Variants in WIPI2 observed in about 807,000 individuals in gnomAD.
The protein encoded by WIPI2 is WD repeat domain phosphoinositide-interacting protein 2.
Under a neutral mutation model 52.3 loss-of-function variants are expected in WIPI2, and 28 were observed. That is an observed-to-expected ratio of 0.54 (90% CI 0.40 to 0.73). The LOEUF (loss-of-function observed/expected upper bound fraction) is 0.73. WIPI2 is among the 30% of genes least tolerant of loss of function. The probability of loss-of-function intolerance (pLI) is 0.00; values close to 1 mark genes in which losing one functional copy is unlikely to be tolerated. For synonymous variants in WIPI2, 268 were observed against 245.0 expected, an observed-to-expected ratio of 1.09 and a Z score of -0.88; for missense variants, 506 against 602.9, an observed-to-expected ratio of 0.84 and a Z score of 1.68.
chr7:5,195,514 C>T (rs1781705097), intron 2 of WIPI2, among the ~76,000 whole-genome samples: 1 of 152,118 alleles, frequency 6.6e-6, no homozygotes, highest in Non-Finnish European at 1.5e-5. Flanking sequence ...AAATAAATCC[C>T]ACTCTGTTGA....
intron 3 of WIPI2, among the ~76,000 whole-genome samples, chr7:5,209,932 G>A (rs574369162): frequency 6.6e-6 from 1 of 151,826 alleles, no homozygotes; most frequent in Non-Finnish European, 1.5e-5. Flanking sequence ...TTTTTTGGTG[G>A]AGTCTCGTTG....
intron 3 of WIPI2, among the ~76,000 whole-genome samples, chr7:5,210,164 C>G (rs969293182): frequency 2.6e-5 from 4 of 152,228 alleles, no homozygotes; most frequent in African/African-American, 9.6e-5. Flanking sequence ...CTGCCTCAGC[C>G]TCCCAAAGTG....
At chr7:5,215,991 C>G (rs532791421) in intron 4 of WIPI2, among the ~76,000 whole-genome samples, 93 of 152,326 alleles carry the variant, frequency 6.1e-4, no homozygotes, top group East Asian at 2.1e-3. Context: ...CTATTCACAG[C>G]ACACTTGTCT....
At position 5,232,438 on chromosome 7, in the gene WIPI2, G is replaced by T. The variant is rs572023575; in HGVS notation, c.*1491G>T. 2 of 397,764 alleles carry T rather than the reference G, an allele frequency of 5.0e-6. No individual in the cohort carries two copies. Among genetic ancestry groups the T allele is most frequent in the East Asian group, 7.1e-5 (2 of 28,076 alleles). The allele number at this position is 397,764 out of a possible 1,614,324, so 24.6% of individuals were successfully genotyped here. A position where few individuals can be genotyped will look rare whatever the true frequency, so the allele number is the denominator to read the frequency against. On this transcript the variant is annotated 3_prime_UTR_variant, in exon 13 of 13. Transcript: ENST00000288828. ...TACACCGGCTTCCTCCCAGCCGCTG[G>T]TGTGCGGCACACACAACATCTGCAT...
At position 5,190,679 on chromosome 7, in the gene WIPI2, G is replaced by A. The variant is rs150788706; in HGVS notation, c.74+186G>A. 3,655 of 469,102 alleles carry A rather than the reference G, an allele frequency of 7.8e-3. 20 individuals are homozygous for A. Among genetic ancestry groups the A allele is most frequent in the Non-Finnish European group, 0.01 (2,989 of 287,478 alleles). The allele number at this position is 469,102 out of a possible 1,614,324, so 29.1% of individuals were successfully genotyped here. ...AGGGGCGCCCTCCAGGGAGACCCTC[G>A]GGTGCTGGCCTGGAGCTGCGGTCCC... On this transcript the variant is annotated intron_variant, in intron 1 of 12. Coordinates refer to ENST00000288828, the MANE Select transcript of WIPI2 (RefSeq NM_015610.4).
intron 5 of WIPI2, 167 bp downstream of exon 5, chr7:5,216,826 A>G (rs1782838494): frequency 1.4e-6 from 1 of 720,550 alleles, no homozygotes; most frequent in Admixed American, 2.8e-5. Context: ...TCATGTGACC[A>G]CATAAGCTCA....
intron 3 of WIPI2, among the ~76,000 whole-genome samples, chr7:5,206,208 G>C (rs1782288997): frequency 6.6e-6 from 1 of 152,112 alleles, no homozygotes; most frequent in Non-Finnish European, 1.5e-5. Context: ...TCAATACTTG[G>C]AGTGTATTGG....
chr7:5,195,583 C>A (rs937411489), intron 2 of WIPI2, among the ~76,000 whole-genome samples: 51 of 152,204 alleles, frequency 3.4e-4, no homozygotes, highest in African/African-American at 1.2e-3. Flanking sequence ...GGGAAAATCT[C>A]CTACTTACCT....
intron 1 of WIPI2, 80 bp from the exon 2 acceptor site, chr7:5,193,038 G>A (rs1339653277): frequency 7.3e-7 from 1 of 1,376,868 alleles, no homozygotes; most frequent in Admixed American, 1.8e-5. Context: ...ACTTTTTCAT[G>A]ATTCCTATCC....
At chr7:5,228,411 C>G (rs1315657884) in intron 11 of WIPI2, among the ~76,000 whole-genome samples, 200 bp downstream of exon 11, 3 of 152,372 alleles carry the variant, frequency 2.0e-5, no homozygotes, top group African/African-American at 4.8e-5. Flanking sequence ...GAGCCCCGGG[C>G]TGCGGCTGGT....
rs1783832252 is a variant in WIPI2, at chr7:5,233,624, G to T, written c.*2677G>T. 6.6e-6 allele frequency: 1 copy of T among 152,550 alleles called. No individual in the cohort carries two copies. Among genetic ancestry groups the T allele is most frequent in the African/African-American group, 2.4e-5 (1 of 41,430 alleles). 9.4% of individuals were successfully genotyped at this position (152,550 alleles called of 1,614,324 possible). ...ATGGAACCTGGAGTCAAAAAGAACT[G>T]CTTCAGTCCCCGCTGTACCGCCTGC... On this transcript the variant is annotated 3_prime_UTR_variant, in exon 13 of 13. Transcript: ENST00000288828.
At chr7:5,206,557 A>G (rs1287944777) in intron 3 of WIPI2, among the ~76,000 whole-genome samples, 3 of 152,152 alleles carry the variant, frequency 2.0e-5, no homozygotes, top group African/African-American at 7.2e-5. Flanking sequence ...TTTCCAAGTG[A>G]TGGTTGGTGG....
chr7:5,207,653 C>G (rs1782358902), intron 3 of WIPI2, among the ~76,000 whole-genome samples: 1 of 151,844 alleles, frequency 6.6e-6, no homozygotes, highest in Admixed American at 6.6e-5. Context: ...GAATTGTTGG[C>G]TAGATATGTG....
At chr7:5,222,978 C>T (rs1235485813) in intron 8 of WIPI2, among the ~76,000 whole-genome samples, 4 of 152,192 alleles carry the variant, frequency 2.6e-5, no homozygotes, top group Non-Finnish European at 4.4e-5. Flanking sequence ...GACGGGGCGG[C>T]GACGTCATGG....
rs376928289 is a variant in WIPI2 at position 5,214,436 on chromosome 7, C to T, written c.212-99C>T. On this transcript the variant is annotated intron_variant, in intron 3 of 12. Coordinates refer to ENST00000288828, the MANE Select transcript of WIPI2 (RefSeq NM_015610.4). ...CAGGCACCCTCAGCGCTGTGCCCTG[C>T]GTGTCGCCCAGGCAGGTGTTTGTTT... 2,098 of 1,612,288 alleles carry T rather than the reference C, an allele frequency of 1.3e-3. 20 individuals are homozygous for T. Among genetic ancestry groups the T allele is most frequent in the South Asian group, 0.01 (917 of 90,688 alleles).
At chr7:5,226,518 T>TAATTTTTAA (rs1245249563) in intron 9 of WIPI2, 3 of 153,170 alleles carry the variant, frequency 2.0e-5, no homozygotes, top group Admixed American at 2.0e-4. Context: ...CATGCCTGGC[T>TAATTTTTAA]AATTTTTAAA....
intron 3 of WIPI2, among the ~76,000 whole-genome samples, chr7:5,213,602 T>C (rs1782665851): frequency 6.6e-6 from 1 of 152,222 alleles, no homozygotes; most frequent in Admixed American, 6.5e-5. Context: ...CCTAGGGGCA[T>C]AGTAGGCCTA....
At chr7:5,213,367 T>C (rs1469869970) in intron 3 of WIPI2, 1 of 152,440 alleles carries the variant, frequency 6.6e-6, no homozygotes, top group African/African-American at 2.4e-5. Flanking sequence ...TTATGGCCCG[T>C]TCCATTTGAA....
chr7:5,214,423 G>T, intron 3 of WIPI2, 112 bp from the exon 4 acceptor site: 1 of 1,611,262 alleles, frequency 6.2e-7, no homozygotes, highest in African/African-American at 1.3e-5. Context: ...GGCACCCTCA[G>T]CGCTGTGCCC....
Sources: gnomAD v4.1 joint callset for allele counts (sites outside exome capture counted in the v4.1 genomes callset) on GRCh38, gnomAD v4.1.1 for gene constraint, MANE v1.5 for transcripts, NCBI Gene and HGNC (gene_info 2026-07-23, HGNC 2026-07-21) for gene names.